CAMTA1: variants seen among roughly 807,000 people sequenced by gnomAD.
CAMTA1 encodes calmodulin-binding transcription activator 1.
In CAMTA1, 27 loss-of-function variants were observed where a neutral mutation model predicts 170.9. The observed-to-expected ratio is 0.16, with a 90% CI of 0.12 to 0.22. CAMTA1 has a LOEUF of 0.22. CAMTA1 is among the 10% of genes least tolerant of loss of function. The pLI, the probability that CAMTA1 is intolerant of heterozygous loss-of-function variation, is 1.00. For synonymous variants in CAMTA1, 833 were observed against 891.5 expected, an observed-to-expected ratio of 0.93 and a Z score of 1.17; for missense variants, 1,619 against 2,217.2, an observed-to-expected ratio of 0.73 and a Z score of 5.42.
intron 5 of CAMTA1, among the ~76,000 whole-genome samples, chr1:7,310,674 TTCTTTCTC>T (rs1428990377): frequency 6.2e-5 from 2 of 32,114 alleles, no homozygotes; most frequent in African/African-American, 3.9e-4. Flanking sequence ...TTTCTTTCCT[TTCTTTCTC>T]TCTCTCTCTC....
At chr1:7,696,104 T>C (rs2096372836) in intron 11 of CAMTA1, among the ~76,000 whole-genome samples, 1 of 152,226 alleles carries the variant, frequency 6.6e-6, no homozygotes, top group East Asian at 1.9e-4. Flanking sequence ...GGCTTTCTCA[T>C]AAATGTCACA....
intron 5 of CAMTA1, among the ~76,000 whole-genome samples, chr1:7,352,020 C>A (rs187623068): frequency 4.0e-5 from 6 of 151,520 alleles, no homozygotes; most frequent in African/African-American, 1.5e-4. Context: ...TTGAAACCAT[C>A]GGGAAAGCGC....
At chr1:6,832,055 CTG>C (rs1378055057) in intron 3 of CAMTA1, among the ~76,000 whole-genome samples, 2 of 151,762 alleles carry the variant, frequency 1.3e-5, no homozygotes, top group East Asian at 3.9e-4. Context: ...TTAATTTCAA[CTG>C]TTTTTAACAT....
At chr1:7,577,898 C>A (rs1389196013) in intron 6 of CAMTA1, among the ~76,000 whole-genome samples, 1 of 152,114 alleles carries the variant, frequency 6.6e-6, no homozygotes, top group Non-Finnish European at 1.5e-5. Flanking sequence ...GTTTGCCAAC[C>A]CCTGGCCTAG....
chr1:7,719,252 C>T (rs764597986), intron 11 of CAMTA1, among the ~76,000 whole-genome samples: 3 of 152,118 alleles, frequency 2.0e-5, no homozygotes, highest in Non-Finnish European at 2.9e-5. Flanking sequence ...GATGTGGCTG[C>T]CTGAATGTTC....
At chr1:7,127,310 G>C (rs1297131714) in intron 4 of CAMTA1, among the ~76,000 whole-genome samples, 1 of 132,284 alleles carries the variant, frequency 7.6e-6, no homozygotes, top group Non-Finnish European at 1.6e-5. Context: ...ACGATGGGAA[G>C]TCTTCAACCG....
At chr1:6,986,627 G>T (rs1695402916) in intron 3 of CAMTA1, among the ~76,000 whole-genome samples, 2 of 152,148 alleles carry the variant, frequency 1.3e-5, no homozygotes, top group South Asian at 4.1e-4. Flanking sequence ...TGAGGCGAGT[G>T]CTGGGGCTTG....
At chr1:7,281,799 TTGTGTGTGTGTGTGTGTGTGTGTG>T (rs57489369) in intron 5 of CAMTA1, among the ~76,000 whole-genome samples, 1 of 139,218 alleles carries the variant, frequency 7.2e-6, no homozygotes, top group Non-Finnish European at 1.5e-5. Flanking sequence ...GGGAAAGAAA[TTGTGTGTGTGTGTGTGTGTGTGTG>T]TGTGTGTGTG....
chr1:6,799,280 G>T (rs1343535523), intron 1 of CAMTA1, among the ~76,000 whole-genome samples: 1 of 152,092 alleles, frequency 6.6e-6, no homozygotes, highest in African/African-American at 2.4e-5. Context: ...TGTTGCGCAG[G>T]CTTGTCTTGT....
In CAMTA1 at chr1:7,146,867, C is replaced by T. The variant is rs1231238757; in HGVS notation, c.302+55496C>T. On this transcript the variant is annotated intron_variant, in intron 4 of 22. Coordinates refer to ENST00000303635, the MANE Select transcript of CAMTA1 (RefSeq NM_015215.4). The surrounding 1 kb of genome is among the most constrained non-coding windows in gnomAD (Gnocchi z 4.3). The stretch of plus-strand genomic sequence containing the variant: ...TGCACACACAAACACAAAGACACAA[C>T]ATGTACACAGACACTCAAACATATG... Among the ~76,000 whole-genome samples, 9 of 151,634 alleles carry T rather than the reference C, an allele frequency of 5.9e-5. No individual in the cohort carries two copies. Among genetic ancestry groups the T allele is most frequent in the Admixed American group, 5.9e-4 (9 of 15,222 alleles).
At chr1:7,078,659 C>T (rs1467295211) in intron 3 of CAMTA1, among the ~76,000 whole-genome samples, 1 of 152,212 alleles carries the variant, frequency 6.6e-6, no homozygotes, top group Non-Finnish European at 1.5e-5. Flanking sequence ...CTAGATTCAT[C>T]CTCTTGCTAC....
At chr1:7,369,029 G>C (rs539365882) in intron 5 of CAMTA1, 1 of 152,364 alleles carries the variant, frequency 6.6e-6, no homozygotes, top group Non-Finnish European at 1.5e-5. Context: ...AGAGGGGAGA[G>C]TTTGGAGGCC....
At chr1:7,189,671 C>A (rs1016044174) in intron 4 of CAMTA1, among the ~76,000 whole-genome samples, 1 of 152,234 alleles carries the variant, frequency 6.6e-6, no homozygotes, top group African/African-American at 2.4e-5. Context: ...CGGAACACAT[C>A]TGCACTGCTG....
intron 4 of CAMTA1, among the ~76,000 whole-genome samples, chr1:7,201,226 A>G (rs951499451): frequency 6.6e-6 from 1 of 152,212 alleles, no homozygotes; most frequent in Non-Finnish European, 1.5e-5. Context: ...AGCATGCAGC[A>G]GTGCTTCATT....
At chr1:6,924,296 A>G (rs1682639332) in intron 3 of CAMTA1, among the ~76,000 whole-genome samples, 2 of 152,184 alleles carry the variant, frequency 1.3e-5, no homozygotes, top group South Asian at 4.2e-4. Flanking sequence ...AACTGCCAGG[A>G]GGGGCTCAGG....
intron 5 of CAMTA1, among the ~76,000 whole-genome samples, chr1:7,393,783 C>G (rs2088988025): frequency 6.6e-6 from 1 of 152,140 alleles, no homozygotes; most frequent in African/African-American, 2.4e-5. Context: ...CCCTAGTATG[C>G]TATCAAACAC....
chr1:7,668,006 C>T (rs1046814623), intron 9 of CAMTA1, among the ~76,000 whole-genome samples: 1 of 152,196 alleles, frequency 6.6e-6, no homozygotes, highest in Non-Finnish European at 1.5e-5. Context: ...GTGCCCCCAT[C>T]CTGGGTTCTA....
chr1:6,937,810 C>CCA (rs1557857036), intron 3 of CAMTA1, among the ~76,000 whole-genome samples: 3 of 150,514 alleles, frequency 2.0e-5, no homozygotes, highest in African/African-American at 7.3e-5. Flanking sequence ...ACCATCATCA[C>CCA]TGTCATCACT....
intron 5 of CAMTA1, among the ~76,000 whole-genome samples, chr1:7,464,606 G>C (rs2093167736): frequency 6.6e-6 from 1 of 152,094 alleles, no homozygotes; most frequent in African/African-American, 2.4e-5. Context: ...TGAATGGAAG[G>C]GGAGAGGGAA....
Sources: allele counts gnomAD v4.1 joint callset (sites outside exome capture counted in the v4.1 genomes callset), GRCh38; gene constraint gnomAD v4.1.1; non-coding constraint Gnocchi (gnomAD v3.1); transcripts MANE v1.5; gene names NCBI Gene and HGNC (gene_info 2026-07-23, HGNC 2026-07-21).